The following ARHGAP11B variants were observed in gnomAD, a reference collection of about 807,000 sequenced individuals.
The protein encoded by ARHGAP11B is inactive Rho GTPase-activating protein 11B.
A neutral mutation model predicts 27.6 loss-of-function variants in ARHGAP11B; 14 were observed. That is an observed-to-expected ratio of 0.51 (90% confidence interval 0.34 to 0.79). ARHGAP11B has a LOEUF of 0.79. Among genes scored for constraint, ARHGAP11B ranks in the 30% least tolerant of loss-of-function variants. The pLI is 0.02. For synonymous variants in ARHGAP11B, 82 were observed against 114.1 expected (o/e 0.72, Z 1.80); for missense variants, 245 against 320.1 (o/e 0.77, Z 1.79).
At chr15:30,630,846 G>A in intron 2 of ARHGAP11B, 73 bp downstream of exon 2, 3 of 1,608,574 alleles carry the variant, frequency 1.9e-6, no homozygotes, top group Non-Finnish European at 2.5e-6. Flanking sequence ...TTGAGAGGCC[G>A]AGGTGGGCAG....
intron 7 of ARHGAP11B, among the ~76,000 whole-genome samples, chr15:30,641,357 CAG>C (rs1041301550): frequency 1.5e-4 from 21 of 143,880 alleles, no homozygotes; most frequent in African/African-American, 5.2e-4. Flanking sequence ...TTTTTTGAGA[CAG>C]AGTTTTGCTC....
intron 7 of ARHGAP11B, among the ~76,000 whole-genome samples, chr15:30,642,093 T>C (rs936229315): frequency 2.6e-5 from 4 of 152,032 alleles, no homozygotes; most frequent in African/African-American, 2.4e-5. Flanking sequence ...AATATTGGCT[T>C]CCAAAATTTT....
Position 30,630,729 on chromosome 15 carries a change from T to G in ARHGAP11B, c.156T>G (p.Asn52Lys), listed in dbSNP as rs1371547432. The G allele has an allele frequency of 3.1e-6, 5 of 1,611,072 alleles. No homozygotes were observed. In the South Asian group the frequency reaches 5.5e-5, roughly 18 times the overall value. Residue 52 changes from asparagine to lysine, a missense_variant, in exon 2 of 11, where the codon AAT becomes AAG. Physicochemically the swap from Asn to Lys is moderately conservative, Grantham distance 94. This residue lies in a region of ARHGAP11B where 107 missense variants were observed against 121.9 expected (regional missense o/e 0.88). Transcript: ENST00000428041. ...GTAAAATATTTGGAGTACCTTTTAA[T>G]GCACTGCCCCATTCTGCTGTACCAG...
intron 1 of ARHGAP11B, among the ~76,000 whole-genome samples, chr15:30,630,496 T>G (rs2060237618): frequency 6.6e-6 from 1 of 152,006 alleles, no homozygotes. Context: ...TTGGCCATCT[T>G]TGTACTCCCA....
chr15:30,629,593 T>A (rs1189585971), intron 1 of ARHGAP11B, among the ~76,000 whole-genome samples: 2 of 152,072 alleles, frequency 1.3e-5, no homozygotes, highest in Non-Finnish European at 2.9e-5. Context: ...AGGAGCCTAC[T>A]CTCTTAAGCC....
chr15:30,628,043 A>G (rs1455232695), intron 1 of ARHGAP11B, among the ~76,000 whole-genome samples: 1 of 150,564 alleles, frequency 6.6e-6, no homozygotes, highest in African/African-American at 2.4e-5. Flanking sequence ...AAGAGTTTGT[A>G]TATGGACTTT....
At chr15:30,644,604 A>T (rs1180743436) in intron 7 of ARHGAP11B, 1 of 1,391,492 alleles carries the variant, frequency 7.2e-7, no homozygotes, top group East Asian at 2.3e-5. Flanking sequence ...AATCTCAAAA[A>T]TTGTCTCAAA....
At chr15:30,633,053 G>A (rs1461515543) in intron 2 of ARHGAP11B, among the ~76,000 whole-genome samples, 1 of 150,008 alleles carries the variant, frequency 6.7e-6, no homozygotes, top group Admixed American at 6.7e-5. Flanking sequence ...GTGATAGATC[G>A]AGCAATACGA....
intron 7 of ARHGAP11B, among the ~76,000 whole-genome samples, chr15:30,639,790 G>T (rs2060304053): frequency 6.6e-6 from 1 of 151,938 alleles, no homozygotes; most frequent in Non-Finnish European, 1.5e-5. Flanking sequence ...ACCAGTATCA[G>T]GTAGCAAATA....
At chr15:30,627,018 A>T in intron 1 of ARHGAP11B, 69 bp downstream of exon 1, 1 of 1,598,988 alleles carries the variant, frequency 6.3e-7, no homozygotes, top group Non-Finnish European at 8.5e-7. Flanking sequence ...TTATTAGCAG[A>T]TCGTGCTAAA....
intron 1 of ARHGAP11B, among the ~76,000 whole-genome samples, chr15:30,628,938 C>T (rs926729074): frequency 7.9e-5 from 12 of 151,934 alleles, no homozygotes; most frequent in Admixed American, 5.9e-4. Flanking sequence ...GACTTACCAG[C>T]CTAAGTATCT....
chr15:30,636,836 G>A (rs1020049641), intron 6 of ARHGAP11B, among the ~76,000 whole-genome samples: 1 of 152,022 alleles, frequency 6.6e-6, no homozygotes, highest in Non-Finnish European at 1.5e-5. Flanking sequence ...TCATCCCATG[G>A]TGTTGCTCTG....
At chr15:30,640,631 C>T (rs190992069) in intron 7 of ARHGAP11B, among the ~76,000 whole-genome samples, 6 of 152,042 alleles carry the variant, frequency 3.9e-5, no homozygotes, top group Admixed American at 3.9e-4. Flanking sequence ...TGGTTTCAGA[C>T]AATGTTAAGT....
In ARHGAP11B at chr15:30,626,800, A is replaced by G. The variant is rs753487483; in HGVS notation, c.-21A>G. On this transcript the variant is annotated 5_prime_UTR_variant, in exon 1 of 11. Transcript: ENST00000428041. ...AGGGTCAGGACCTGCATCCTGCCTC[A>G]GAGTTATCGACGTATCCGGAATGTG... is the stretch of plus-strand genomic sequence containing the variant. 1.7e-5 allele frequency: 28 copies of G among 1,612,842 alleles called. 1 individual carries two copies. The highest frequency in any genetic ancestry group is 1.7e-5 in the Non-Finnish European group (20 of 1,179,398).
At chr15:30,635,259 A>T (rs986005347) in intron 5 of ARHGAP11B, 71 bp downstream of exon 5, 1 of 1,569,980 alleles carries the variant, frequency 6.4e-7, no homozygotes, top group East Asian at 2.2e-5. Context: ...ATGTAGTTGC[A>T]TTATTAACAG....
At chr15:30,640,156 G>A (rs2060307016) in intron 7 of ARHGAP11B, among the ~76,000 whole-genome samples, 1 of 137,214 alleles carries the variant, frequency 7.3e-6, no homozygotes, top group South Asian at 2.6e-4. Context: ...TGGCTTTATT[G>A]CTGTCATTTG....
At chr15:30,637,248 G>A (rs2060285135) in intron 6 of ARHGAP11B, among the ~76,000 whole-genome samples, 1 of 151,794 alleles carries the variant, frequency 6.6e-6, no homozygotes, top group Non-Finnish European at 1.5e-5. Context: ...TAAGCTTAAC[G>A]TTTTGAAATG....
intron 7 of ARHGAP11B, among the ~76,000 whole-genome samples, chr15:30,644,448 G>T (rs1448224083): frequency 6.6e-6 from 1 of 151,984 alleles, no homozygotes; most frequent in Non-Finnish European, 1.5e-5. Flanking sequence ...CAATTGAAAT[G>T]ATTTTTTAAA....
At chr15:30,646,020 C>A in intron 8 of ARHGAP11B, 2 of 213,586 alleles carry the variant, frequency 9.4e-6, no homozygotes, top group Non-Finnish European at 1.7e-5. Flanking sequence ...TCTTTATCCT[C>A]ATCTTAGTTG....
Sources: gnomAD v4.1 joint callset for allele counts (sites outside exome capture counted in the v4.1 genomes callset) on GRCh38, gnomAD v4.1.1 for gene constraint, gnomAD v4.1.1 regional missense constraint, MANE v1.5 for transcripts, NCBI Gene and HGNC (gene_info 2026-07-23, HGNC 2026-07-21) for gene names.